ANXA4: variants seen among roughly 807,000 people sequenced by gnomAD.
ANXA4 encodes annexin A4.
A neutral mutation model predicts 49.8 loss-of-function variants in ANXA4; 39 were observed. That is an observed-to-expected ratio of 0.78 (90% CI 0.61 to 1.02). The LOEUF (loss-of-function observed/expected upper bound fraction) is 1.02, where lower values mean the gene tolerates loss of function less well. Among genes scored for constraint, ANXA4 ranks in the 50% least tolerant of loss-of-function variants. The pLI, the probability that ANXA4 is intolerant of heterozygous loss-of-function variation, is 0.00. For synonymous variants in ANXA4, 134 were observed against 152.5 expected (o/e 0.88, Z 0.89); for missense variants, 360 against 410.1 (o/e 0.88, Z 1.05).
chr2:69,752,395 A>G (rs1670879966), intron 1 of ANXA4, among the ~76,000 whole-genome samples: 1 of 152,238 alleles, frequency 6.6e-6, no homozygotes, highest in Non-Finnish European at 1.5e-5. Context: ...ATGTTTTCAG[A>G]TAAAATGAAA....
intron 2 of ANXA4, among the ~76,000 whole-genome samples, chr2:69,718,768 C>T (rs1315121613): frequency 8.0e-6 from 1 of 124,408 alleles, no homozygotes; most frequent in Non-Finnish European, 1.5e-5. Flanking sequence ...CACACATACA[C>T]ACACATTCAC....
intron 12 of ANXA4, among the ~76,000 whole-genome samples, chr2:69,824,074 G>A (rs1674356476): frequency 6.6e-6 from 1 of 151,670 alleles, no homozygotes; most frequent in Non-Finnish European, 1.5e-5. Flanking sequence ...GCAAGACCCT[G>A]TCTCTAAAAA....
intron 2 of ANXA4, among the ~76,000 whole-genome samples, chr2:69,676,961 G>A (rs866768522): frequency 2.4e-4 from 37 of 151,976 alleles, no homozygotes; most frequent in Admixed American, 2.3e-3. Context: ...CTCCTTCTAA[G>A]GCTATTTCTT....
At chr2:69,702,118 TCTC>T (rs1371373924) in intron 2 of ANXA4, among the ~76,000 whole-genome samples, 2 of 151,822 alleles carry the variant, frequency 1.3e-5, no homozygotes, top group African/African-American at 4.8e-5. Flanking sequence ...TTCAAGCAAT[TCTC>T]CTGCCTCAGC....
intron 2 of ANXA4, among the ~76,000 whole-genome samples, chr2:69,697,749 G>A (rs1678203590): frequency 6.6e-6 from 1 of 152,146 alleles, no homozygotes; most frequent in Non-Finnish European, 1.5e-5. Flanking sequence ...GGAGCAGTCA[G>A]TATATAACAT....
intron 2 of ANXA4, among the ~76,000 whole-genome samples, chr2:69,674,915 G>GTT (rs71397341): frequency 0.031 from 3,578 of 115,342 alleles, 128 homozygotes; most frequent in African/African-American, 0.086. Context: ...AACATAAACT[G>GTT]TTTTTTTTTT....
intron 3 of ANXA4, among the ~76,000 whole-genome samples, chr2:69,729,353 T>C (rs1670039651): frequency 6.6e-6 from 1 of 152,258 alleles, no homozygotes; most frequent in South Asian, 2.1e-4. Flanking sequence ...AGTGGTCTTA[T>C]ACAACTTCCA....
At chr2:69,823,463 T>A (rs546504205) in intron 12 of ANXA4, among the ~76,000 whole-genome samples, 1 of 151,984 alleles carries the variant, frequency 6.6e-6, no homozygotes, top group South Asian at 2.1e-4. Context: ...TCCAACTTCA[T>A]GCTGTTTATA....
intron 2 of ANXA4, among the ~76,000 whole-genome samples, chr2:69,698,408 C>T (rs534208611): frequency 1.3e-5 from 2 of 152,336 alleles, no homozygotes; most frequent in African/African-American, 4.8e-5. Flanking sequence ...CCCTTCAACT[C>T]CCTCCATTTC....
At chr2:69,653,168 G>A (rs1381824633) in exon 2 of ANXA4, 1 of 152,138 alleles carries the variant, frequency 6.6e-6, no homozygotes, top group African/African-American at 2.4e-5. Context: ...ACTCAACACT[G>A]GAGTAAAGGA....
At chr2:69,715,715 T>C (rs1386983067) in intron 2 of ANXA4, among the ~76,000 whole-genome samples, 2 of 152,230 alleles carry the variant, frequency 1.3e-5, no homozygotes, top group Admixed American at 6.5e-5. Context: ...GCTCTATGTC[T>C]ATCTGAGTCC....
chr2:69,763,879 T>A (rs1257141109), intron 1 of ANXA4, among the ~76,000 whole-genome samples: 1 of 152,144 alleles, frequency 6.6e-6, no homozygotes, highest in Non-Finnish European at 1.5e-5. Flanking sequence ...GTCAGGCTGG[T>A]CTCAAACTCC....
At chr2:69,808,201 A>G (rs1013288275) in intron 6 of ANXA4, 2 of 555,344 alleles carry the variant, frequency 3.6e-6, no homozygotes, top group South Asian at 2.1e-5. Context: ...TGAAGATGAC[A>G]CTCTATTTTG....
At chr2:69,648,888 C>CTTTTTTTTTTT (rs777450997) in intron 1 of ANXA4, among the ~76,000 whole-genome samples, 1 of 105,814 alleles carries the variant, frequency 9.5e-6, no homozygotes, top group African/African-American at 4.3e-5. Context: ...TCTTTCTTTT[C>CTTTTTTTTTTT]TTTTTTTTTT....
chr2:69,723,408 G>A (rs1156645176), intron 3 of ANXA4, among the ~76,000 whole-genome samples: 1 of 152,132 alleles, frequency 6.6e-6, no homozygotes, highest in African/African-American at 2.4e-5. Flanking sequence ...TTTTTGCAGT[G>A]TGGACTAGGG....
intron 2 of ANXA4, among the ~76,000 whole-genome samples, chr2:69,718,962 C>G (rs866272945): frequency 6.6e-6 from 1 of 151,848 alleles, no homozygotes. Flanking sequence ...TATTCCAAGT[C>G]TCAAGCTAGC....
intron 2 of ANXA4, among the ~76,000 whole-genome samples, chr2:69,672,187 C>G (rs1677216174): frequency 6.6e-6 from 1 of 152,090 alleles, no homozygotes; most frequent in African/African-American, 2.4e-5. Flanking sequence ...ATATAAAACA[C>G]TACTGAGTGA....
At chr2:69,783,442 C>G (rs1355033575) in intron 2 of ANXA4, among the ~76,000 whole-genome samples, 1 of 152,142 alleles carries the variant, frequency 6.6e-6, no homozygotes, top group African/African-American at 2.4e-5. Context: ...GTCTCGAACT[C>G]CTGACCTCAT....
intron 1 of ANXA4, among the ~76,000 whole-genome samples, chr2:69,757,258 ATATATATATTTTTT>A (rs1183473066): frequency 2.3e-5 from 1 of 42,886 alleles, no homozygotes; most frequent in Admixed American, 3.8e-4. Flanking sequence ...ATATATATAT[ATATATATATTTTTT>A]TTTTTTTTTT....
Sources: allele counts gnomAD v4.1 joint callset (sites outside exome capture counted in the v4.1 genomes callset), GRCh38; gene constraint gnomAD v4.1.1; transcripts MANE v1.5; gene names NCBI Gene and HGNC (gene_info 2026-07-23, HGNC 2026-07-21).